NCAM2: variants seen among roughly 807,000 people sequenced by gnomAD.
The protein encoded by NCAM2 is N-CAM-2.
A neutral mutation model predicts 98.1 loss-of-function variants in NCAM2; 30 were observed. The observed-to-expected ratio is 0.31, with a 90% CI of 0.23 to 0.41. NCAM2 has a LOEUF of 0.41. Ranked by LOEUF, NCAM2 falls within the 10% of genes least tolerant of loss-of-function variation. The probability of loss-of-function intolerance (pLI) is 1.00; values close to 1 mark genes in which losing one functional copy is unlikely to be tolerated. For synonymous variants in NCAM2, 368 were observed against 342.4 expected, an observed-to-expected ratio of 1.07 and a Z score of -0.83; for missense variants, 867 against 1,005.8, an observed-to-expected ratio of 0.86 and a Z score of 1.87.
chr21:21,526,014 A>G (rs1028525225), intron 16 of NCAM2, among the ~76,000 whole-genome samples: 4 of 152,130 alleles, frequency 2.6e-5, no homozygotes, highest in African/African-American at 9.7e-5. Flanking sequence ...AATAAAGGAT[A>G]TCTAAAAAAC....
intron 9 of NCAM2, among the ~76,000 whole-genome samples, chr21:21,376,880 A>G (rs201166090): frequency 2.6e-5 from 4 of 151,692 alleles, no homozygotes; most frequent in African/African-American, 9.7e-5. Flanking sequence ...TTCTAAAAGG[A>G]TGTTTTGAGA....
At chr21:21,008,312 C>T (rs1486789961) in intron 1 of NCAM2, among the ~76,000 whole-genome samples, 2 of 152,154 alleles carry the variant, frequency 1.3e-5, no homozygotes, top group Non-Finnish European at 2.9e-5. Flanking sequence ...AGATTACACA[C>T]TAATCTTTAC....
chr21:21,075,967 A>T (rs1313840632), intron 1 of NCAM2, among the ~76,000 whole-genome samples: 1 of 152,002 alleles, frequency 6.6e-6, no homozygotes, highest in East Asian at 1.9e-4. Flanking sequence ...AAATACAAAA[A>T]TTAGCCAGGC....
At position 21,292,266 on chromosome 21, in the gene NCAM2, G is replaced by C. The variant is rs191736031; in HGVS notation, c.619+25G>C. 1.2e-3 allele frequency: 1,838 copies of C among 1,588,154 alleles called. 8 individuals carry two copies. Among genetic ancestry groups the C allele is most frequent in the Non-Finnish European group, 1.2e-3 (1,386 of 1,167,698 alleles). ...GGTAAGCAGTAAATAATTTGTACAT[G>C]TTTTATGGATTCATTTTAGCAATGT... is the stretch of plus-strand genomic sequence containing the variant. On this transcript the variant is annotated intron_variant, in intron 5 of 17. Coordinates refer to ENST00000400546, the MANE Select transcript of NCAM2 (RefSeq NM_004540.5).
At chr21:21,092,945 T>A (rs2066043416) in intron 1 of NCAM2, among the ~76,000 whole-genome samples, 1 of 152,070 alleles carries the variant, frequency 6.6e-6, no homozygotes. Flanking sequence ...TTCTACAGAA[T>A]TTTTGCAACA....
intron 1 of NCAM2, among the ~76,000 whole-genome samples, chr21:21,197,629 C>T (rs1394025837): frequency 6.6e-6 from 1 of 152,172 alleles, no homozygotes; most frequent in Non-Finnish European, 1.5e-5. Flanking sequence ...TCCTGATGAA[C>T]ACGTTGCATT....
At chr21:21,105,634 T>C (rs1177926510) in intron 1 of NCAM2, among the ~76,000 whole-genome samples, 1 of 152,122 alleles carries the variant, frequency 6.6e-6, no homozygotes, top group Non-Finnish European at 1.5e-5. Context: ...AAAACATTAA[T>C]AATAATGGCA....
At chr21:21,112,960 A>G (rs1377278487) in intron 1 of NCAM2, among the ~76,000 whole-genome samples, 3 of 152,146 alleles carry the variant, frequency 2.0e-5, no homozygotes, top group Admixed American at 6.5e-5. Context: ...CGTGGGGTGC[A>G]TGTGTTGCTT....
intron 5 of NCAM2, among the ~76,000 whole-genome samples, chr21:21,298,815 G>A (rs1368511087): frequency 4.0e-5 from 6 of 151,578 alleles, no homozygotes; most frequent in African/African-American, 1.5e-4. Flanking sequence ...AGAAAAGCAT[G>A]TATTGATTTT....
chr21:21,253,840 T>C (rs1039389523), intron 1 of NCAM2, among the ~76,000 whole-genome samples: 2 of 152,176 alleles, frequency 1.3e-5, no homozygotes, highest in African/African-American at 4.8e-5. Flanking sequence ...TAAGGCCCAG[T>C]AGGTAACGAG....
intron 16 of NCAM2, among the ~76,000 whole-genome samples, chr21:21,529,388 T>C (rs1013617184): frequency 6.6e-6 from 1 of 152,142 alleles, no homozygotes; most frequent in Admixed American, 6.5e-5. Context: ...ATTTGGATTA[T>C]TTTTGCATAT....
chr21:21,334,666 A>G (rs915400657), intron 6 of NCAM2, among the ~76,000 whole-genome samples: 2 of 152,100 alleles, frequency 1.3e-5, no homozygotes, highest in African/African-American at 2.4e-5. Flanking sequence ...GATGAATAAA[A>G]TGAAAGGAGA....
intron 15 of NCAM2, among the ~76,000 whole-genome samples, chr21:21,492,393 C>T (rs1438810396): frequency 1.3e-5 from 2 of 151,816 alleles, no homozygotes; most frequent in South Asian, 4.1e-4. Flanking sequence ...ACAACAACCA[C>T]GGTTTCATCC....
intron 1 of NCAM2, among the ~76,000 whole-genome samples, chr21:21,043,239 T>C (rs1186628365): frequency 6.6e-6 from 1 of 152,178 alleles, no homozygotes; most frequent in African/African-American, 2.4e-5. Flanking sequence ...ATAGGAAATT[T>C]AACTCAGTGG....
chr21:21,293,442 A>C (rs2147586180), intron 5 of NCAM2, among the ~76,000 whole-genome samples: 1 of 151,864 alleles, frequency 6.6e-6, no homozygotes, highest in South Asian at 2.1e-4. Flanking sequence ...TGGCATAGAA[A>C]ACCCATTATG....
At chr21:21,205,151 G>A (rs1014468099) in intron 1 of NCAM2, among the ~76,000 whole-genome samples, 2 of 152,088 alleles carry the variant, frequency 1.3e-5, no homozygotes, top group Admixed American at 1.3e-4. Flanking sequence ...TACCATTAAT[G>A]GTGTGGATAT....
At chr21:21,495,382 T>C (rs2146319605) in intron 15 of NCAM2, among the ~76,000 whole-genome samples, 1 of 152,064 alleles carries the variant, frequency 6.6e-6, no homozygotes, top group Admixed American at 6.6e-5. Flanking sequence ...TGTGTGGAAA[T>C]GGGCATGGAA....
chr21:21,387,757 T>C (rs938129017), intron 9 of NCAM2, among the ~76,000 whole-genome samples: 3 of 152,220 alleles, frequency 2.0e-5, no homozygotes, highest in African/African-American at 7.2e-5. Context: ...AGCCCTCTTC[T>C]AGGATTTTAG....
chr21:21,102,226 G>T, intron 1 of NCAM2, among the ~76,000 whole-genome samples: 1 of 151,966 alleles, frequency 6.6e-6, no homozygotes, highest in East Asian at 1.9e-4. Context: ...CTGACTATTG[G>T]AATGCTTATG....
Sources: allele counts gnomAD v4.1 joint callset (sites outside exome capture counted in the v4.1 genomes callset), GRCh38; gene constraint gnomAD v4.1.1; transcripts MANE v1.5; gene names NCBI Gene and HGNC (gene_info 2026-07-23, HGNC 2026-07-21).